Variants in DOCK4 observed in about 807,000 individuals in gnomAD.
DOCK4 encodes the protein dedicator of cytokinesis protein 4.
In DOCK4, 97 loss-of-function variants were observed where a neutral mutation model predicts 268.1. That is an observed-to-expected ratio of 0.36 (90% CI 0.31 to 0.43). The LOEUF is 0.43. Among genes scored for constraint, DOCK4 ranks in the 20% least tolerant of loss-of-function variants. DOCK4 has a pLI of 1.00. For synonymous variants in DOCK4, 954 were observed against 887.2 expected, an observed-to-expected ratio of 1.08 and a Z score of -1.34; for missense variants, 2,145 against 2,455.7, an observed-to-expected ratio of 0.87 and a Z score of 2.67.
chr7:111,872,209 A>G, intron 19 of DOCK4, 60 bp downstream of exon 19: 4 of 1,399,174 alleles, frequency 2.9e-6, no homozygotes, highest in Admixed American at 2.4e-5. Flanking sequence ...AACCAGCCTC[A>G]TGAAAGTCAA....
chr7:111,950,067 C>T (rs1343505740), intron 8 of DOCK4, among the ~76,000 whole-genome samples: 1 of 152,202 alleles, frequency 6.6e-6, no homozygotes, highest in Non-Finnish European at 1.5e-5. Context: ...GCTGGGACTA[C>T]AGACGCATGC....
At chr7:112,066,720 T>TCTCTCC (rs1424733411) in intron 1 of DOCK4, among the ~76,000 whole-genome samples, 1 of 102,718 alleles carries the variant, frequency 9.7e-6, no homozygotes, top group African/African-American at 3.9e-5. Flanking sequence ...TATATATATA[T>TCTCTCC]ATATATATAT....
At chr7:111,828,305 G>C (rs1802555275) in intron 26 of DOCK4, among the ~76,000 whole-genome samples, 1 of 152,152 alleles carries the variant, frequency 6.6e-6, no homozygotes, top group Non-Finnish European at 1.5e-5. Context: ...AAGAACCTAA[G>C]GACACAGGGG....
In DOCK4 at chr7:112,108,528, TGAG is replaced by T. The variant is rs549225939; in HGVS notation, c.37+97571_37+97573del. On this transcript the variant is annotated intron_variant, in intron 1 of 52. Transcript: ENST00000428084. ...ATTACACTACTTCTTATTAGACCACTGAGGATACTGTTGGGTCACCCTGCTGGC... is the reference window on the plus strand; with the variant it reads ...ATTACACTACTTCTTATTAGACCACTGATACTGTTGGGTCACCCTGCTGGC... Among the ~76,000 whole-genome samples the T allele has an allele frequency of 2.5e-3, 388 of 152,328 alleles. 3 individuals are homozygous for T. The highest frequency in any genetic ancestry group is 3.2e-3 in the Non-Finnish European group (217 of 68,018).
At chr7:111,791,471 A>T (rs1465891173) in intron 30 of DOCK4, among the ~76,000 whole-genome samples, 1 of 150,912 alleles carries the variant, frequency 6.6e-6, no homozygotes, top group Non-Finnish European at 1.5e-5. Flanking sequence ...TTTTTTTGAC[A>T]TGGAGTCTTG....
At chr7:112,050,475 G>A (rs538670047) in intron 1 of DOCK4, among the ~76,000 whole-genome samples, 1 of 152,182 alleles carries the variant, frequency 6.6e-6, no homozygotes, top group South Asian at 2.1e-4. Context: ...CATTATACTA[G>A]CCCAGAAATA....
chr7:111,857,765 T>C (rs1467468673), intron 23 of DOCK4, among the ~76,000 whole-genome samples: 2 of 152,170 alleles, frequency 1.3e-5, no homozygotes, highest in Non-Finnish European at 2.9e-5. Context: ...ATGTCTCTGC[T>C]ACCCGCTACA....
chr7:112,125,505 T>C (rs1272584980), intron 1 of DOCK4, among the ~76,000 whole-genome samples: 2 of 152,190 alleles, frequency 1.3e-5, no homozygotes, highest in African/African-American at 4.8e-5. Flanking sequence ...AGTTATAATT[T>C]ATACCATGCA....
At chr7:111,878,214 A>G (rs1262277005) in intron 16 of DOCK4, among the ~76,000 whole-genome samples, 1 of 152,252 alleles carries the variant, frequency 6.6e-6, no homozygotes, top group Non-Finnish European at 1.5e-5. Context: ...AACACTTAAG[A>G]AATAGATAGC....
intron 36 of DOCK4, among the ~76,000 whole-genome samples, chr7:111,775,042 G>A (rs1798359051): frequency 6.6e-6 from 1 of 152,204 alleles, no homozygotes; most frequent in African/African-American, 2.4e-5. Context: ...AGAAATGATG[G>A]TCTAACTGAG....
intron 1 of DOCK4, among the ~76,000 whole-genome samples, chr7:112,143,409 T>C (rs559364431): frequency 2.0e-5 from 3 of 152,264 alleles, no homozygotes; most frequent in African/African-American, 7.2e-5. Context: ...TCTTTGAATA[T>C]TTATAAACCA....
chr7:111,991,118 G>C lies in DOCK4; in HGVS notation c.316-1955C>G, dbSNP rs990310057. Among the ~76,000 whole-genome samples the C allele has an allele frequency of 3.3e-5, 5 of 152,222 alleles. No individual in the cohort carries two copies. In the South Asian group the frequency reaches 6.2e-4, roughly 19 times the overall value. ...CTGCTCTTGGGAAAGGCGTTCTGTA[G>C]TTGTTTAGTAGGATGGACTTGATTT... On this transcript the variant is annotated intron_variant, in intron 5 of 52. Coordinates refer to ENST00000428084, the MANE Select transcript of DOCK4 (RefSeq NM_001363540.2).
At chr7:112,187,376 T>C (rs113960139) in intron 1 of DOCK4, among the ~76,000 whole-genome samples, 42 of 152,340 alleles carry the variant, frequency 2.8e-4, no homozygotes, top group African/African-American at 9.9e-4. Context: ...ATGCGAATAA[T>C]TTCAAATGTC....
At chr7:111,814,653 G>A (rs1373615544) in intron 27 of DOCK4, among the ~76,000 whole-genome samples, 1 of 152,228 alleles carries the variant, frequency 6.6e-6, no homozygotes, top group African/African-American at 2.4e-5. Context: ...AGGCTCCGGA[G>A]TGGCCAGAAT....
At chr7:111,972,358 T>C (rs1797785982) in intron 8 of DOCK4, among the ~76,000 whole-genome samples, 1 of 151,972 alleles carries the variant, frequency 6.6e-6, no homozygotes, top group Admixed American at 6.6e-5. Context: ...CTTGGTCACC[T>C]TCTCTAGCCT....
At chr7:111,981,608 T>A (rs566769174) in intron 7 of DOCK4, among the ~76,000 whole-genome samples, 1 of 152,298 alleles carries the variant, frequency 6.6e-6, no homozygotes, top group South Asian at 2.1e-4. Context: ...TTATAACTAT[T>A]TGAGTTGTTT....
chr7:111,869,620 C>A lies in DOCK4; in HGVS notation c.2063G>T (p.Arg688Leu). Reference protein sequence around the residue: ...LIKVLKWYVDRITEAERQEHI... With the variant: ...LIKVLKWYVDLITEAERQEHI... ...CTCTTGCCGCTCTGCTTCTGTGATC[C>A]GGTCCACGTACCATTTGAGCACTTT... The change falls in exon 21 of 53, where the codon CGG (arginine) becomes CTG (leucine). Residue 688 changes from arginine to leucine, a missense_variant. This residue lies in a region of DOCK4 where 1,598 missense variants were observed against 1,986.7 expected (regional missense o/e 0.80). Transcript: ENST00000428084. The A allele has an allele frequency of 6.2e-7, 1 of 1,613,458 alleles. No individual in the cohort carries two copies. The highest frequency in any genetic ancestry group is 1.1e-5 in the South Asian group (1 of 91,074).
At chr7:111,831,030 C>T (rs1282411934) in intron 26 of DOCK4, among the ~76,000 whole-genome samples, 1 of 152,056 alleles carries the variant, frequency 6.6e-6, no homozygotes, top group Admixed American at 6.6e-5. Flanking sequence ...CCCATGATGT[C>T]AGTTATTATT....
At chr7:112,014,250 C>A (rs1223529460) in intron 1 of DOCK4, among the ~76,000 whole-genome samples, 1 of 152,178 alleles carries the variant, frequency 6.6e-6, no homozygotes, top group African/African-American at 2.4e-5. Context: ...GTCACTTGGT[C>A]ATTCAATTAG....
Sources: gnomAD v4.1 joint callset for allele counts (sites outside exome capture counted in the v4.1 genomes callset) on GRCh38, gnomAD v4.1.1 for gene constraint, gnomAD v4.1.1 regional missense constraint, MANE v1.5 for transcripts, NCBI Gene and HGNC (gene_info 2026-07-23, HGNC 2026-07-21) for gene names.